Variants in PLXNA4 observed in about 807,000 individuals in gnomAD.
PLXNA4 encodes plexin-A4.
A neutral mutation model predicts 191.8 loss-of-function variants in PLXNA4; 44 were observed. That is an observed-to-expected ratio of 0.23 (90% CI 0.18 to 0.29). The LOEUF is 0.29. Ranked by LOEUF, PLXNA4 falls within the 10% of genes least tolerant of loss-of-function variation. PLXNA4 has a pLI of 1.00. For synonymous variants in PLXNA4, 1,082 were observed against 1,009.5 expected (o/e 1.07, Z -1.36); for missense variants, 1,800 against 2,488.8 (o/e 0.72, Z 5.89).
intron 3 of PLXNA4, among the ~76,000 whole-genome samples, chr7:132,305,712 C>A (rs1475009655): frequency 2.0e-5 from 3 of 152,176 alleles, no homozygotes; most frequent in Non-Finnish European, 2.9e-5. Flanking sequence ...AAGGATTGAA[C>A]AATAAATATA....
rs115723195 is a variant in PLXNA4 at position 132,167,852 on chromosome 7, G to A, written c.4286+452C>T. On this transcript the variant is annotated intron_variant, in intron 22 of 31. Coordinates refer to ENST00000321063, the MANE Select transcript of PLXNA4 (RefSeq NM_020911.2). ...GCATGAGCCACTGCACCTGGCTTGT[G>A]ATTCTGCTTTTCTAACAAGCTCCAG... is the stretch of plus-strand genomic sequence containing the variant. Among the ~76,000 whole-genome samples the A allele has an allele frequency of 2.5e-3, 380 of 152,292 alleles. 6 individuals carry two copies. Among genetic ancestry groups the A allele is most frequent in the African/African-American group, 8.5e-3 (353 of 41,550 alleles).
At chr7:132,296,522 C>T (rs1338891389) in intron 4 of PLXNA4, among the ~76,000 whole-genome samples, 3 of 151,900 alleles carry the variant, frequency 2.0e-5, no homozygotes, top group South Asian at 2.1e-4. Context: ...ATCCTCCTGC[C>T]TTGGCCTCCC....
At chr7:132,415,605 T>C (rs962836870) in intron 3 of PLXNA4, among the ~76,000 whole-genome samples, 1 of 152,178 alleles carries the variant, frequency 6.6e-6, no homozygotes, top group Non-Finnish European at 1.5e-5. Context: ...TAATAGGAGA[T>C]AGATGGTGGA....
chr7:132,310,363 T>C (rs1801680481), intron 3 of PLXNA4, among the ~76,000 whole-genome samples: 1 of 152,200 alleles, frequency 6.6e-6, no homozygotes, highest in Non-Finnish European at 1.5e-5. Flanking sequence ...CTGATGATGG[T>C]GTAGCAGAGC....
chr7:132,636,319 G>T (rs1188774571), intron 2 of PLXNA4, among the ~76,000 whole-genome samples: 1 of 152,196 alleles, frequency 6.6e-6, no homozygotes, highest in Non-Finnish European at 1.5e-5. Context: ...GAGAGAAGGG[G>T]CTACCCCAAG....
At chr7:132,211,801 A>G (rs754665203) in intron 9 of PLXNA4, among the ~76,000 whole-genome samples, 6 of 152,130 alleles carry the variant, frequency 3.9e-5, no homozygotes, top group Non-Finnish European at 8.8e-5. Flanking sequence ...GATGCTAGCA[A>G]TGGGCACACT....
chr7:132,130,255 T>C lies in PLXNA4; in HGVS notation c.*224A>G. 5.2e-6 allele frequency: 3 copies of C among 580,774 alleles called. No individual in the cohort carries two copies. Among genetic ancestry groups the C allele is most frequent in the Non-Finnish European group, 5.9e-6 (2 of 340,664 alleles). 36.0% of individuals were successfully genotyped at this position (580,774 alleles called of 1,614,324 possible). Reference sequence around the variant, plus strand: ...TGGGCCTGGCCATTCTTGGACTAACTGAGGGTCAGTGGCTTGGTCCAATCG... The same window carrying C: ...TGGGCCTGGCCATTCTTGGACTAACCGAGGGTCAGTGGCTTGGTCCAATCG... On this transcript the variant is annotated 3_prime_UTR_variant, in exon 32 of 32. Coordinates refer to ENST00000321063, the MANE Select transcript of PLXNA4 (RefSeq NM_020911.2).
intron 20 of PLXNA4, among the ~76,000 whole-genome samples, chr7:132,177,072 CGTGTGAGCACATGAGT>C (rs1562899677): frequency 6.6e-6 from 1 of 150,860 alleles, no homozygotes; most frequent in African/African-American, 2.4e-5. Flanking sequence ...AGTACATGAG[CGTGTGAGCACATGAGT>C]GTATGTCAGT....
chr7:132,606,825 C>T (rs1563192899), intron 2 of PLXNA4, among the ~76,000 whole-genome samples: 1 of 152,252 alleles, frequency 6.6e-6, no homozygotes, highest in East Asian at 1.9e-4. Context: ...GAAAGCAGCT[C>T]GAGCTCTCAT....
At chr7:132,132,463 T>TCTGCTCTGC (rs1794978816) in intron 31 of PLXNA4, among the ~76,000 whole-genome samples, 10 of 65,518 alleles carry the variant, frequency 1.5e-4, no homozygotes, top group Admixed American at 5.3e-4. Context: ...TTCTGTTCTG[T>TCTGCTCTGC]TCTGCTCTGC....
At chr7:132,506,595 T>C (rs1349328876) in intron 2 of PLXNA4, among the ~76,000 whole-genome samples, 1 of 152,168 alleles carries the variant, frequency 6.6e-6, no homozygotes, top group East Asian at 1.9e-4. Context: ...GCAGGACCAT[T>C]GTGAAGAGGA....
At chr7:132,330,415 C>T (rs952619512) in intron 3 of PLXNA4, among the ~76,000 whole-genome samples, 1 of 152,284 alleles carries the variant, frequency 6.6e-6, no homozygotes, top group South Asian at 2.1e-4. Context: ...AAATATAACC[C>T]GCTCACCAGT....
At chr7:132,562,638 CTCTTT>C (rs1801267606) in intron 1 of PLXNA4, among the ~76,000 whole-genome samples, 1 of 119,894 alleles carries the variant, frequency 8.3e-6, no homozygotes, top group Non-Finnish European at 1.7e-5. Flanking sequence ...CCTTCTCCTC[CTCTTT>C]CTCCTCCTCC....
intron 4 of PLXNA4, among the ~76,000 whole-genome samples, chr7:132,278,391 G>T (rs1448504037): frequency 6.6e-6 from 1 of 152,176 alleles, no homozygotes; most frequent in African/African-American, 2.4e-5. Flanking sequence ...AGGCTGTTGG[G>T]CTGTCTCTAA....
chr7:132,571,394 C>T (rs891581977), intron 1 of PLXNA4, among the ~76,000 whole-genome samples: 7 of 152,214 alleles, frequency 4.6e-5, no homozygotes, highest in African/African-American at 1.7e-4. Context: ...TTGGCACCAA[C>T]ATGCGATGAG....
intron 3 of PLXNA4, among the ~76,000 whole-genome samples, chr7:132,304,099 GA>G (rs1400182647): frequency 6.6e-6 from 1 of 152,148 alleles, no homozygotes; most frequent in Non-Finnish European, 1.5e-5. Context: ...AGGCTGATCT[GA>G]AGTAGCAAAA....
chr7:132,509,978 A>G (rs974080911), intron 1 of PLXNA4, among the ~76,000 whole-genome samples: 4 of 152,206 alleles, frequency 2.6e-5, no homozygotes, highest in African/African-American at 9.6e-5. Flanking sequence ...GAGAGAAAAA[A>G]TGCTTTAAGA....
chr7:132,514,680 A>G (rs1798870024), intron 1 of PLXNA4, among the ~76,000 whole-genome samples: 1 of 152,090 alleles, frequency 6.6e-6, no homozygotes, highest in Admixed American at 6.5e-5. Context: ...TGGCCTTTGG[A>G]CTTGGGTACA....
At chr7:132,588,726 GA>G (rs1162169627) in intron 2 of PLXNA4, among the ~76,000 whole-genome samples, 43 of 118,974 alleles carry the variant, frequency 3.6e-4, no homozygotes, top group African/African-American at 8.7e-4. Context: ...AAAAGGAAAA[GA>G]AAAAAAGAAA....
Sources: gnomAD v4.1 joint callset for allele counts (sites outside exome capture counted in the v4.1 genomes callset) on GRCh38, gnomAD v4.1.1 for gene constraint, MANE v1.5 for transcripts, NCBI Gene and HGNC (gene_info 2026-07-23, HGNC 2026-07-21) for gene names.